The following COPG2 variants were observed in gnomAD, a reference collection of about 807,000 sequenced individuals.
COPG2 encodes the protein coatomer subunit gamma-2.
COPG2 carries 37 observed loss-of-function variants against 46.3 expected under a neutral mutation model. That is an observed-to-expected ratio of 0.80 (90% CI 0.61 to 1.05). COPG2 has a LOEUF of 1.05. Among genes scored for constraint, COPG2 ranks in the 50% least tolerant of loss-of-function variants. The probability of loss-of-function intolerance (pLI) is 0.00; values close to 1 mark genes in which losing one functional copy is unlikely to be tolerated. For missense variants in COPG2, 427 were observed against 387.8 expected (o/e 1.10, Z -0.85); for synonymous variants, 159 against 129.7 (o/e 1.23, Z -1.53).
intron 20 of COPG2, among the ~76,000 whole-genome samples, chr7:130,537,113 A>G (rs1799887883): frequency 6.6e-6 from 1 of 152,122 alleles, no homozygotes; most frequent in Admixed American, 6.5e-5. Context: ...GGATGGGCAG[A>G]AAGTGGGACA....
intron 23 of COPG2, among the ~76,000 whole-genome samples, 200 bp downstream of exon 23, chr7:130,507,074 G>T (rs1236831026): frequency 6.6e-6 from 1 of 152,198 alleles, no homozygotes; most frequent in Non-Finnish European, 1.5e-5. Context: ...CTGTTGGAGA[G>T]ATTTGTTTTG....
At chr7:130,518,837 C>T (rs1799700895) in intron 20 of COPG2, among the ~76,000 whole-genome samples, 1 of 152,032 alleles carries the variant, frequency 6.6e-6, no homozygotes, top group South Asian at 2.1e-4. Context: ...AACCCCGTCT[C>T]TACTAAAAAT....
intron 5 of COPG2, among the ~76,000 whole-genome samples, chr7:130,631,786 C>G (rs1236714812): frequency 1.3e-5 from 2 of 152,060 alleles, no homozygotes; most frequent in African/African-American, 4.8e-5. Flanking sequence ...ATTACGTAAA[C>G]AAGGAAAATT....
intron 6 of COPG2, among the ~76,000 whole-genome samples, chr7:130,616,699 A>G (rs1321079734): frequency 6.6e-6 from 1 of 152,320 alleles, no homozygotes; most frequent in East Asian, 1.9e-4. Flanking sequence ...TGTGTCCTAT[A>G]ATAAAGCTTT....
chr7:130,605,359 C>CAACATGGCAAAGG (rs1794709003), intron 9 of COPG2: 1 of 477,698 alleles, frequency 2.1e-6, no homozygotes, highest in Admixed American at 2.3e-5. Flanking sequence ...TGTTACGTTA[C>CAACATGGCAAAGG]AACATGGCAA....
At chr7:130,633,568 G>A (rs1795270575) in intron 5 of COPG2, among the ~76,000 whole-genome samples, 1 of 152,192 alleles carries the variant, frequency 6.6e-6, no homozygotes, top group Admixed American at 6.5e-5. Flanking sequence ...ACTTTTTGAT[G>A]GGGTGGTTTT....
intron 5 of COPG2, among the ~76,000 whole-genome samples, chr7:130,650,498 A>G (rs544485273): frequency 9.7e-4 from 148 of 152,378 alleles, no homozygotes; most frequent in African/African-American, 3.2e-3. Context: ...TTTTCAAAAT[A>G]TTAGTGAATC....
intron 4 of COPG2, among the ~76,000 whole-genome samples, chr7:130,656,000 T>G (rs1158387060): frequency 1.3e-5 from 2 of 152,192 alleles, no homozygotes; most frequent in East Asian, 3.8e-4. Context: ...ATGATTTCAA[T>G]CCTTTGAAAT....
At chr7:130,566,858 C>A (rs1787857115) in intron 9 of COPG2, among the ~76,000 whole-genome samples, 1 of 152,166 alleles carries the variant, frequency 6.6e-6, no homozygotes, top group Admixed American at 6.5e-5. Flanking sequence ...GAATGTTTCA[C>A]TTTGATCAAG....
chr7:130,513,341 A>ATATATG (rs1215646008), intron 20 of COPG2, among the ~76,000 whole-genome samples: 93 of 51,512 alleles, frequency 1.8e-3, no homozygotes, highest in Non-Finnish European at 2.8e-3. Context: ...ATATATATAT[A>ATATATG]TGTGTGTGTG....
chr7:130,552,836 A>G (rs1039635244), intron 14 of COPG2, among the ~76,000 whole-genome samples: 161 of 152,320 alleles, frequency 1.1e-3, no homozygotes, highest in African/African-American at 3.8e-3. Context: ...TTTGTCAGGA[A>G]TTGTGCTAGG....
chr7:130,561,011 A>C (rs1165816345), intron 12 of COPG2, 22 bp downstream of exon 12: 2 of 398,440 alleles, frequency 5.0e-6, no homozygotes, highest in East Asian at 3.6e-5. Flanking sequence ...GGGAGAAAAT[A>C]TGATCATGTT....
intron 9 of COPG2, among the ~76,000 whole-genome samples, chr7:130,595,554 T>C (rs1168447507): frequency 1.3e-5 from 2 of 152,176 alleles, no homozygotes; most frequent in African/African-American, 4.8e-5. Flanking sequence ...CAAGGAAATA[T>C]AAAATAGAAT....
intron 11 of COPG2, among the ~76,000 whole-genome samples, chr7:130,562,564 C>T (rs1057034598): frequency 6.6e-6 from 1 of 151,888 alleles, no homozygotes; most frequent in Non-Finnish European, 1.5e-5. Context: ...GTATTATATC[C>T]TCTAAATCTA....
At chr7:130,548,151 T>C (rs1399617924) in intron 19 of COPG2, among the ~76,000 whole-genome samples, 1 of 152,234 alleles carries the variant, frequency 6.6e-6, no homozygotes, top group Non-Finnish European at 1.5e-5. Flanking sequence ...AATGCTGATT[T>C]TAGAAAATTG....
At chr7:130,527,687 G>A (rs926124005) in intron 20 of COPG2, among the ~76,000 whole-genome samples, 7 of 152,284 alleles carry the variant, frequency 4.6e-5, no homozygotes, top group South Asian at 2.1e-4. Flanking sequence ...TGGTGGACAC[G>A]GGAGGATGGA....
intron 20 of COPG2, chr7:130,509,028 C>CAAAA: frequency 2.9e-6 from 1 of 342,308 alleles, no homozygotes; most frequent in Non-Finnish European, 5.6e-6. Context: ...AGGACCTGAC[C>CAAAA]AAAAAAAAAA....
chr7:130,659,941 T>A (rs1554460445), intron 4 of COPG2, among the ~76,000 whole-genome samples: 1 of 152,196 alleles, frequency 6.6e-6, no homozygotes, highest in African/African-American at 2.4e-5. Context: ...AGATGTTATT[T>A]TTATATTTTA....
At chr7:130,518,776 G>A (rs1217884788) in intron 20 of COPG2, among the ~76,000 whole-genome samples, 6 of 152,112 alleles carry the variant, frequency 3.9e-5, no homozygotes, top group African/African-American at 1.4e-4. Context: ...GGCCAAGGGG[G>A]GCAGATCACC....
Sources: gnomAD v4.1 joint callset for allele counts (sites outside exome capture counted in the v4.1 genomes callset) on GRCh38, gnomAD v4.1.1 for gene constraint, MANE v1.5 for transcripts, NCBI Gene and HGNC (gene_info 2026-07-23, HGNC 2026-07-21) for gene names.